KIRREL1: variants seen among roughly 807,000 people sequenced by gnomAD.
The protein encoded by KIRREL1 is kin of IRRE-like protein 1.
In KIRREL1, 25 loss-of-function variants were observed where a neutral mutation model predicts 83.3. The observed-to-expected ratio is 0.30, with a 90% CI of 0.22 to 0.42. KIRREL1 has a LOEUF of 0.42. Among genes scored for constraint, KIRREL1 ranks in the 10% least tolerant of loss-of-function variants. The pLI, the probability that KIRREL1 is intolerant of heterozygous loss-of-function variation, is 1.00. For missense variants in KIRREL1, 812 were observed against 1,032.3 expected, an observed-to-expected ratio of 0.79 and a Z score of 2.92; for synonymous variants, 388 against 410.4, an observed-to-expected ratio of 0.95 and a Z score of 0.66.
Position 158,093,359 on chromosome 1 carries a change from A to G in KIRREL1, c.1492A>G (p.Ile498Val). The G allele has an allele frequency of 6.2e-7, 1 of 1,614,206 alleles. No homozygotes were observed. Among genetic ancestry groups the G allele is most frequent in the South Asian group, 1.1e-5 (1 of 91,084 alleles). ...EEREVLPVGI[I>V]AGATIGASIL... The stretch of plus-strand genomic sequence containing the variant: ...GAAAGAGGTGTTACCTGTGGGCATC[A>G]TAGCTGGGGCCACCATCGGCGCGAG... Residue 498 changes from isoleucine (I) to valine (V), a missense_variant, in exon 12 of 15, where the codon ATA becomes GTA. Ile to Val is a conservative substitution (Grantham distance 29, BLOSUM62 3). Coordinates refer to ENST00000359209, the MANE Select transcript of KIRREL1 (RefSeq NM_018240.7).
At chr1:158,071,281 C>T (rs1217053992) in intron 1 of KIRREL1, among the ~76,000 whole-genome samples, 1 of 152,174 alleles carries the variant, frequency 6.6e-6, no homozygotes, top group African/African-American at 2.4e-5. Flanking sequence ...TCTGCCTCTG[C>T]GTGGGTGTCT....
intron 1 of KIRREL1, among the ~76,000 whole-genome samples, chr1:158,052,323 C>G (rs1451544076): frequency 6.6e-6 from 1 of 152,160 alleles, no homozygotes; most frequent in Non-Finnish European, 1.5e-5. Flanking sequence ...ATTCCCCTTA[C>G]CTGCTTGGTG....
At chr1:158,069,541 G>A (rs1210501050) in intron 1 of KIRREL1, among the ~76,000 whole-genome samples, 4 of 152,142 alleles carry the variant, frequency 2.6e-5, no homozygotes, top group Non-Finnish European at 2.9e-5. Flanking sequence ...AGGGATAGTC[G>A]CCCCAGGAGG....
chr1:158,025,185 TC>T (rs1660132743), intron 1 of KIRREL1, among the ~76,000 whole-genome samples: 1 of 151,738 alleles, frequency 6.6e-6, no homozygotes, highest in South Asian at 2.1e-4. Context: ...CTCCTCAAGT[TC>T]CCCCCATTCT....
chr1:158,065,891 C>T (rs1257258149), intron 1 of KIRREL1, among the ~76,000 whole-genome samples: 1 of 152,078 alleles, frequency 6.6e-6, no homozygotes, highest in African/African-American at 2.4e-5. Flanking sequence ...TTCTTTTGTC[C>T]TTCTTATTTT....
At position 158,088,322 on chromosome 1, in the gene KIRREL1, C is replaced by A; in HGVS notation, c.917-5C>A. On this transcript the variant is annotated splice_polypyrimidine_tract_variant and splice_region_variant and intron_variant, in intron 7 of 14. Coordinates refer to ENST00000359209, the MANE Select transcript of KIRREL1 (RefSeq NM_018240.7). Reference sequence around the variant, plus strand: ...CCTAACGAGTGGCTTCTTTCTCCCTCACAGTTGCTCCCCGGATTGTAGTTG... The same window carrying A: ...CCTAACGAGTGGCTTCTTTCTCCCTAACAGTTGCTCCCCGGATTGTAGTTG... 6.2e-7 allele frequency: 1 copy of A among 1,610,128 alleles called. No homozygotes were observed. The highest frequency in any genetic ancestry group is 8.5e-7 in the Non-Finnish European group (1 of 1,178,102).
chr1:157,996,453 C>A (rs925715036), intron 1 of KIRREL1, among the ~76,000 whole-genome samples: 1 of 151,828 alleles, frequency 6.6e-6, no homozygotes. Context: ...GAGCTGCCTC[C>A]GTGGGGGGGA....
chr1:158,043,226 T>C (rs1480014012), intron 1 of KIRREL1, among the ~76,000 whole-genome samples: 2 of 152,098 alleles, frequency 1.3e-5, no homozygotes, highest in African/African-American at 2.4e-5. Flanking sequence ...TGGGAGAGGC[T>C]ACAGATGGGA....
chr1:158,085,703 C>T (rs531614142), intron 4 of KIRREL1, among the ~76,000 whole-genome samples: 17 of 152,284 alleles, frequency 1.1e-4, no homozygotes, highest in South Asian at 1.0e-3. Flanking sequence ...GGTCAAACAA[C>T]GGGGTCTTAC....
chr1:158,075,454 G>T (rs1426250459), intron 1 of KIRREL1, among the ~76,000 whole-genome samples: 2 of 152,240 alleles, frequency 1.3e-5, no homozygotes, highest in Admixed American at 6.5e-5. Flanking sequence ...ACACAGAGCA[G>T]GGCACATGTG....
intron 1 of KIRREL1, among the ~76,000 whole-genome samples, chr1:158,010,397 A>G (rs762992291): frequency 1.5e-4 from 2 of 13,056 alleles, no homozygotes; most frequent in Non-Finnish European, 3.2e-4. Flanking sequence ...ACACATGCAT[A>G]CACACACACA....
At chr1:158,083,737 A>T (rs1232423184) in intron 3 of KIRREL1, among the ~76,000 whole-genome samples, 2 of 152,012 alleles carry the variant, frequency 1.3e-5, no homozygotes, top group Non-Finnish European at 2.9e-5. Flanking sequence ...TCCGAGCCAG[A>T]CTCCCAAGAC....
intron 1 of KIRREL1, among the ~76,000 whole-genome samples, chr1:158,045,982 G>C (rs1196961373): frequency 6.6e-6 from 1 of 152,204 alleles, no homozygotes; most frequent in East Asian, 1.9e-4. Context: ...GGAATCACAG[G>C]ACTTAGGCTT....
In KIRREL1 at chr1:158,091,413, T is replaced by C. The variant is rs1662191064; in HGVS notation, c.1328T>C (p.Val443Ala). The change falls in exon 11 of 15, where the codon GTG becomes GCG. Residue 443 changes from valine to alanine, a missense_variant. Physicochemically the swap from Val to Ala is moderately conservative, Grantham distance 64. Transcript: ENST00000359209. ...GTGGGGACCCTGGAACGCTATACAG[T>C]GGAGAGGACCAACTCAGGCAGTGGG... ...LEVGTLERYT[V>A]ERTNSGSGVL... 1.2e-6 allele frequency: 2 copies of C among 1,614,002 alleles called. No homozygotes were observed. The highest frequency in any genetic ancestry group is 1.3e-5 in the African/African-American group (1 of 74,906).
At chr1:158,067,849 C>G (rs1661395967) in intron 1 of KIRREL1, among the ~76,000 whole-genome samples, 1 of 152,166 alleles carries the variant, frequency 6.6e-6, no homozygotes, top group Admixed American at 6.5e-5. Context: ...ACCAGCCAGC[C>G]CCTCCAGCCA....
At chr1:158,048,037 A>G (rs1660820254) in intron 1 of KIRREL1, among the ~76,000 whole-genome samples, 1 of 152,020 alleles carries the variant, frequency 6.6e-6, no homozygotes, top group African/African-American at 2.4e-5. Context: ...CTTTTGCCTG[A>G]TCTTACATCA....
intron 1 of KIRREL1, among the ~76,000 whole-genome samples, chr1:158,062,071 C>G (rs1382735274): frequency 6.6e-6 from 1 of 152,158 alleles, no homozygotes; most frequent in South Asian, 2.1e-4. Context: ...TCTCCATGTG[C>G]CCACACCACA....
At chr1:158,081,492 C>G (rs750782744) in intron 3 of KIRREL1, among the ~76,000 whole-genome samples, 23 of 152,118 alleles carry the variant, frequency 1.5e-4, no homozygotes, top group Non-Finnish European at 2.8e-4. Flanking sequence ...GAGTAGGTGT[C>G]CATTGTATTT....
At chr1:158,087,590 T>C (rs1183433619) in intron 5 of KIRREL1, among the ~76,000 whole-genome samples, 165 bp from the exon 6 acceptor site, 2 of 152,066 alleles carry the variant, frequency 1.3e-5, no homozygotes, top group East Asian at 3.9e-4. Flanking sequence ...AGAGGCTCCA[T>C]GTGCAAAAGG....
Sources: gnomAD v4.1 joint callset for allele counts (sites outside exome capture counted in the v4.1 genomes callset) on GRCh38, gnomAD v4.1.1 for gene constraint, MANE v1.5 for transcripts, NCBI Gene and HGNC (gene_info 2026-07-23, HGNC 2026-07-21) for gene names.